EVL: variants seen among roughly 807,000 people sequenced by gnomAD.
The protein encoded by EVL is Enah/Vasp-like, also known as ena/VASP-like protein.
A neutral mutation model predicts 59.6 loss-of-function variants in EVL; 21 were observed. That is an observed-to-expected ratio of 0.35 (90% CI 0.25 to 0.51). The LOEUF (loss-of-function observed/expected upper bound fraction) is 0.51. Ranked by LOEUF, EVL falls within the 20% of genes least tolerant of loss-of-function variation. EVL has a pLI of 0.97. For missense variants in EVL, 462 were observed against 546.6 expected (o/e 0.85, Z 1.54); for synonymous variants, 198 against 203.5 (o/e 0.97, Z 0.23).
At chr14:100,053,889 A>G (rs904890701) in intron 1 of EVL, among the ~76,000 whole-genome samples, 3 of 151,802 alleles carry the variant, frequency 2.0e-5, no homozygotes, top group African/African-American at 4.8e-5. Context: ...GGCTCAAGCA[A>G]TCCTGCCTCA....
chr14:100,119,103 C>T (rs1375348835), intron 3 of EVL, among the ~76,000 whole-genome samples: 1 of 152,272 alleles, frequency 6.6e-6, no homozygotes, highest in African/African-American at 2.4e-5. Flanking sequence ...ACCCACATGA[C>T]ACCATGAATG....
intron 1 of EVL, among the ~76,000 whole-genome samples, chr14:99,981,754 C>T (rs1247182378): frequency 1.3e-5 from 2 of 152,140 alleles, no homozygotes; most frequent in Admixed American, 1.3e-4. Flanking sequence ...TTAGAAAATA[C>T]CTTATTGCTT....
At position 100,002,788 on chromosome 14, in the gene EVL, A is replaced by C. The variant is rs118131254; in HGVS notation, c.5+30731A>C. On this transcript the variant is annotated intron_variant, in intron 1 of 13. Transcript: ENST00000402714. ...TGAAATAAGTCATTCATTTAACTAA[A>C]GTGATAACTCAAAGATTTCCATAAA... 6.2e-3 allele frequency among the ~76,000 whole-genome samples: 940 copies of C among 152,358 alleles called. 5 individuals carry two copies. The highest frequency in any genetic ancestry group is 0.017 in the Middle Eastern group (5 of 294).
At chr14:100,005,669 A>ACACACACC (rs1491230019) in intron 1 of EVL, among the ~76,000 whole-genome samples, 1 of 142,270 alleles carries the variant, frequency 7.0e-6, no homozygotes, top group African/African-American at 2.7e-5. Context: ...ACACACACAC[A>ACACACACC]CCCCTTGGAT....
chr14:99,992,170 T>C (rs2060879929), intron 1 of EVL, among the ~76,000 whole-genome samples: 1 of 152,206 alleles, frequency 6.6e-6, no homozygotes. Context: ...TGGTATCTCA[T>C]TGTGGTTTTG....
chr14:100,074,602 G>C (rs1044951968), intron 1 of EVL: 1 of 152,894 alleles, frequency 6.5e-6, no homozygotes, highest in African/African-American at 2.4e-5. Flanking sequence ...TCACTTCCCC[G>C]CGCTGACTCC....
chr14:100,137,151 A>G, intron 9 of EVL: 1 of 207,622 alleles, frequency 4.8e-6, no homozygotes, highest in Non-Finnish European at 9.8e-6. Flanking sequence ...GCCAGCCAGA[A>G]TGGGACAGAG....
chr14:100,112,948 C>T lies in EVL; in HGVS notation c.359-10591C>T, dbSNP rs1210051948. 5.3e-5 allele frequency among the ~76,000 whole-genome samples: 8 copies of T among 152,178 alleles called. 1 individual carries two copies. Among genetic ancestry groups the T allele is most frequent in the Non-Finnish European group, 1.0e-4 (7 of 68,042 alleles). ...AACACAAAGATGAATAAGACTTGGT[C>T]CCTGTGTTCACAGAGCTCACAGCCA... On this transcript the variant is annotated intron_variant, in intron 3 of 13. Coordinates refer to ENST00000392920, the MANE Select transcript of EVL (RefSeq NM_016337.3).
rs563798202 is a variant in EVL at position 99,993,811 on chromosome 14, C to G, written c.5+21754C>G. Among the ~76,000 whole-genome samples the G allele has an allele frequency of 1.1e-4, 17 of 150,906 alleles. No homozygotes were observed. The South Asian group carries it at 3.4e-3, about 30-fold the overall frequency. ...GGTTCAAGCGATTCTTCTGCCTCAG[C>G]CTCCCAAGTAGCTGGGATTACAGGT... On this transcript the variant is annotated intron_variant, in intron 1 of 13. Coordinates refer to the EVL transcript ENST00000402714.
chr14:100,046,901 T>C (rs975185767), intron 1 of EVL, among the ~76,000 whole-genome samples: 3 of 151,010 alleles, frequency 2.0e-5, no homozygotes, highest in South Asian at 2.1e-4. Flanking sequence ...TACAGGTGCC[T>C]GCCACCACGC....
upstream of EVL, among the ~76,000 whole-genome samples, chr14:100,062,375 C>CT (rs1246038565): frequency 6.6e-6 from 1 of 151,584 alleles, no homozygotes; most frequent in Non-Finnish European, 1.5e-5. Flanking sequence ...AATATTAACT[C>CT]TAAGTGTACC....
At chr14:100,132,997 C>T in intron 8 of EVL, among the ~76,000 whole-genome samples, 1 of 152,222 alleles carries the variant, frequency 6.6e-6, no homozygotes, top group Non-Finnish European at 1.5e-5. Context: ...CTACCAGACA[C>T]TGCTCCACCC....
chr14:100,046,870 A>G (rs912756532), intron 1 of EVL, among the ~76,000 whole-genome samples: 3 of 148,018 alleles, frequency 2.0e-5, no homozygotes, highest in African/African-American at 7.5e-5. Context: ...CTCCTGCCTC[A>G]GCCTCCCAAG....
At chr14:100,034,256 A>G (rs1675218711) in intron 1 of EVL, among the ~76,000 whole-genome samples, 1 of 151,548 alleles carries the variant, frequency 6.6e-6, no homozygotes, top group Non-Finnish European at 1.5e-5. Context: ...AAAAAGAAAA[A>G]GAAAAGAAAA....
chr14:100,016,338 G>A (rs889290895), intron 1 of EVL, among the ~76,000 whole-genome samples: 2 of 152,176 alleles, frequency 1.3e-5, no homozygotes, highest in African/African-American at 2.4e-5. Context: ...ACACCATCCT[G>A]GCCAACATGG....
At chr14:100,131,759 AAGAC>A (rs1047030832) in intron 7 of EVL, among the ~76,000 whole-genome samples, 2 of 152,182 alleles carry the variant, frequency 1.3e-5, no homozygotes, top group African/African-American at 4.8e-5. Context: ...GAAGACAAAA[AAGAC>A]AGGCAGGTAC....
At chr14:100,016,809 G>A (rs1489390237) in intron 1 of EVL, among the ~76,000 whole-genome samples, 1 of 152,150 alleles carries the variant, frequency 6.6e-6, no homozygotes, top group Non-Finnish European at 1.5e-5. Flanking sequence ...GTCAGCTGAG[G>A]TGTCTACCTC....
chr14:100,027,763 C>A (rs1274064904), intron 1 of EVL, among the ~76,000 whole-genome samples: 1 of 152,154 alleles, frequency 6.6e-6, no homozygotes. Flanking sequence ...CAACCTCCAC[C>A]TCCCAGGTTC....
intron 1 of EVL, among the ~76,000 whole-genome samples, chr14:100,082,178 C>G (rs940908047): frequency 6.6e-6 from 1 of 151,666 alleles, no homozygotes; most frequent in Non-Finnish European, 1.5e-5. Flanking sequence ...GTCCCCCCCT[C>G]CCCCGCATCC....
Sources: allele counts gnomAD v4.1 joint callset (sites outside exome capture counted in the v4.1 genomes callset), GRCh38; gene constraint gnomAD v4.1.1; transcripts MANE v1.5; gene names NCBI Gene and HGNC (gene_info 2026-07-23, HGNC 2026-07-21).